Variants in TENM4 observed in about 807,000 individuals in gnomAD.
TENM4 encodes the protein teneurin transmembrane protein 4.
TENM4 carries 82 observed loss-of-function variants against 243.3 expected under a neutral mutation model. That is an observed-to-expected ratio of 0.34 (90% confidence interval 0.28 to 0.40). The LOEUF is 0.40. TENM4 is among the 10% of genes least tolerant of loss of function. The probability of loss-of-function intolerance (pLI) is 1.00; values close to 1 mark genes in which losing one functional copy is unlikely to be tolerated. For synonymous variants in TENM4, 1,412 were observed against 1,456.3 expected, an observed-to-expected ratio of 0.97 and a Z score of 0.69; for missense variants, 3,138 against 3,673.3, an observed-to-expected ratio of 0.85 and a Z score of 3.77.
At chr11:78,935,656 C>T (rs992323763) in intron 6 of TENM4, among the ~76,000 whole-genome samples, 6 of 152,126 alleles carry the variant, frequency 3.9e-5, no homozygotes, top group Non-Finnish European at 7.4e-5. Context: ...ATCAAATACA[C>T]ATTTAAGAAA....
chr11:79,059,857 G>C (rs995109035), intron 6 of TENM4, among the ~76,000 whole-genome samples: 1 of 152,178 alleles, frequency 6.6e-6, no homozygotes, highest in African/African-American at 2.4e-5. Context: ...GCTTAGACTG[G>C]GGCAACCAGG....
At chr11:79,252,383 C>T (rs1406473258) in intron 2 of TENM4, among the ~76,000 whole-genome samples, 4 of 152,122 alleles carry the variant, frequency 2.6e-5, no homozygotes, top group African/African-American at 7.2e-5. Context: ...TACAGGCGCT[C>T]ACCACCACAC....
rs373442839 is a variant in TENM4 at position 79,326,190 on chromosome 11, C to T, written c.-320-28647G>A. ...CTCAAAAACCCTCTTGGGCCCCCCG[C>T]GGCCTGCAGAATGAAGTACAAGCTT... On this transcript the variant is annotated intron_variant, in intron 1 of 33. Transcript: ENST00000278550. 1.0e-3 allele frequency among the ~76,000 whole-genome samples: 159 copies of T among 152,322 alleles called. 1 individual carries two copies. Among genetic ancestry groups the T allele is most frequent in the African/African-American group, 2.5e-3 (105 of 41,576 alleles).
chr11:79,362,285 G>A (rs1033412537), intron 1 of TENM4, among the ~76,000 whole-genome samples: 12 of 152,142 alleles, frequency 7.9e-5, no homozygotes, highest in African/African-American at 2.9e-4. Context: ...CACAATGAGC[G>A]CAGACAGCTG....
intron 20 of TENM4, among the ~76,000 whole-genome samples, chr11:78,735,221 G>C (rs1408435443): frequency 6.6e-6 from 1 of 152,188 alleles, no homozygotes; most frequent in Non-Finnish European, 1.5e-5. Flanking sequence ...CATTCACTTA[G>C]ATGAAGTTGA....
intron 6 of TENM4, among the ~76,000 whole-genome samples, chr11:79,039,785 G>A (rs888153930): frequency 3.3e-5 from 5 of 152,026 alleles, no homozygotes; most frequent in Non-Finnish European, 5.9e-5. Flanking sequence ...ATGTATCTCA[G>A]AACTTAAAGT....
chr11:78,954,832 C>T (rs148828148), intron 6 of TENM4, among the ~76,000 whole-genome samples: 549 of 152,334 alleles, frequency 3.6e-3, no homozygotes, highest in Middle Eastern at 6.8e-3. Context: ...GACAGTGACA[C>T]AGAAATGAAT....
intron 1 of TENM4, among the ~76,000 whole-genome samples, chr11:79,366,252 C>T (rs1857675193): frequency 6.6e-6 from 1 of 152,222 alleles, no homozygotes; most frequent in Non-Finnish European, 1.5e-5. Context: ...CAGTCCTTCT[C>T]CAAGACTCTT....
At chr11:79,296,771 A>T (rs1856461940) in intron 2 of TENM4, among the ~76,000 whole-genome samples, 1 of 152,228 alleles carries the variant, frequency 6.6e-6, no homozygotes, top group Non-Finnish European at 1.5e-5. Flanking sequence ...AATGGCAGGA[A>T]CAACTTCCTT....
At chr11:78,721,260 T>C (rs1237171146) in intron 24 of TENM4, among the ~76,000 whole-genome samples, 2 of 152,244 alleles carry the variant, frequency 1.3e-5, no homozygotes, top group African/African-American at 4.8e-5. Context: ...GGGCAGAGAA[T>C]ATTCCCCTGG....
At chr11:79,356,049 T>C (rs1158971704) in intron 1 of TENM4, among the ~76,000 whole-genome samples, 2 of 152,210 alleles carry the variant, frequency 1.3e-5, no homozygotes, top group Non-Finnish European at 2.9e-5. Flanking sequence ...GCAGTAGCAC[T>C]GTGAGCCACC....
At chr11:79,090,496 T>A (rs932462539) in intron 4 of TENM4, among the ~76,000 whole-genome samples, 5 of 152,210 alleles carry the variant, frequency 3.3e-5, no homozygotes, top group Non-Finnish European at 7.3e-5. Context: ...ATGGCTTGCA[T>A]CTGGCAACTC....
chr11:78,792,712 T>C (rs908006378), intron 15 of TENM4, among the ~76,000 whole-genome samples: 1 of 152,194 alleles, frequency 6.6e-6, no homozygotes, highest in African/African-American at 2.4e-5. Context: ...TGTATGTCGG[T>C]TGATGCGACT....
At chr11:79,041,954 G>GGT (rs1859545069) in intron 6 of TENM4, among the ~76,000 whole-genome samples, 1 of 152,214 alleles carries the variant, frequency 6.6e-6, no homozygotes, top group Non-Finnish European at 1.5e-5. Context: ...CCAGGGAGCA[G>GGT]TGACTTCCCT....
intron 6 of TENM4, among the ~76,000 whole-genome samples, chr11:78,934,729 G>A (rs1016096448): frequency 1.3e-5 from 2 of 152,196 alleles, no homozygotes; most frequent in Non-Finnish European, 2.9e-5. Context: ...CATAAAGTAG[G>A]CGGTGGGAGA....
At chr11:78,827,702 T>C (rs1857889147) in intron 12 of TENM4, among the ~76,000 whole-genome samples, 1 of 152,090 alleles carries the variant, frequency 6.6e-6, no homozygotes, top group Non-Finnish European at 1.5e-5. Flanking sequence ...TTGGTCAGGC[T>C]GGTCTCGAAC....
intron 1 of TENM4, among the ~76,000 whole-genome samples, chr11:79,398,737 TAAAAAAAAAAAAA>T (rs5792854): frequency 0.044 from 4,535 of 102,820 alleles, 127 homozygotes; most frequent in Middle Eastern, 0.15. Flanking sequence ...TCAGATGCTT[TAAAAAAAAAAAAA>T]AAAAAAAAAG....
intron 16 of TENM4, among the ~76,000 whole-genome samples, chr11:78,782,469 C>T (rs993019223): frequency 2.0e-5 from 3 of 152,118 alleles, no homozygotes; most frequent in South Asian, 4.1e-4. Flanking sequence ...TGGTGGCGGG[C>T]GTCTGTGATC....
intron 6 of TENM4, among the ~76,000 whole-genome samples, chr11:78,952,782 A>G (rs1857131588): frequency 6.6e-6 from 1 of 152,148 alleles, no homozygotes; most frequent in Non-Finnish European, 1.5e-5. Context: ...TTTCTCCTTT[A>G]TCCTAGCAAA....
Sources: allele counts gnomAD v4.1 joint callset (sites outside exome capture counted in the v4.1 genomes callset), GRCh38; gene constraint gnomAD v4.1.1; transcripts MANE v1.5; gene names NCBI Gene and HGNC (gene_info 2026-07-23, HGNC 2026-07-21).